The following RNLS variants were observed in gnomAD, a reference collection of about 807,000 sequenced individuals.
The protein encoded by RNLS is renalase, FAD dependent amine oxidase.
A neutral mutation model predicts 39.8 loss-of-function variants in RNLS; 39 were observed. The ratio of observed to expected loss-of-function variants is 0.98; its 90% confidence interval spans 0.76 to 1.28. The LOEUF (loss-of-function observed/expected upper bound fraction) is 1.28. Among genes scored for constraint, RNLS ranks in the 50% most tolerant of loss-of-function variants. The pLI is 0.00. For synonymous variants in RNLS, 147 were observed against 150.7 expected (o/e 0.98, Z 0.18); for missense variants, 410 against 413.3 (o/e 0.99, Z 0.07).
At chr10:88,175,373 G>C in the RNLS span, among the ~76,000 whole-genome samples, 1 of 151,906 alleles carries the variant, frequency 6.6e-6, no homozygotes, top group Admixed American at 6.6e-5. Flanking sequence ...TTTTGATGTA[G>C]GCATTTACTG....
intron 4 of RNLS, among the ~76,000 whole-genome samples, chr10:88,507,650 C>G (rs916472494): frequency 1.3e-5 from 2 of 152,060 alleles, no homozygotes; most frequent in Non-Finnish European, 2.9e-5. Flanking sequence ...CAAAGGATTA[C>G]CACTATCAGG....
chr10:88,323,485 A>G (rs1846333696), intron 5 of RNLS, among the ~76,000 whole-genome samples: 1 of 152,200 alleles, frequency 6.6e-6, no homozygotes, highest in Non-Finnish European at 1.5e-5. Flanking sequence ...CAAAGTCAAT[A>G]AAAACAAACA....
chr10:88,252,757 A>G, the RNLS span, among the ~76,000 whole-genome samples: 1 of 152,142 alleles, frequency 6.6e-6, no homozygotes, highest in Non-Finnish European at 1.5e-5. Context: ...CATTCTATAC[A>G]CAGCTCCTAT....
In RNLS at chr10:88,284,647, T is replaced by G. The variant is rs958317309; in HGVS notation, c.*707A>C. 20 of 985,190 alleles carry G rather than the reference T, an allele frequency of 2.0e-5. No homozygotes were observed. In the East Asian group the frequency reaches 2.3e-3, roughly 112 times the overall value. 61.0% of individuals were successfully genotyped at this position (985,190 alleles called of 1,614,324 possible). ...GCAAAAGGTAAGGATCGATATACTT[T>G]CTCTCTGTTTCTATTTAATTTTTAT... On this transcript the variant is annotated 3_prime_UTR_variant, in exon 7 of 7. Coordinates refer to ENST00000331772, the MANE Select transcript of RNLS (RefSeq NM_001031709.3).
chr10:88,338,202 A>C (rs1324975579), intron 5 of RNLS, among the ~76,000 whole-genome samples: 1 of 152,242 alleles, frequency 6.6e-6, no homozygotes, highest in African/African-American at 2.4e-5. Flanking sequence ...TCTTTAGAGA[A>C]GAGACTAAAA....
chr10:88,402,077 A>T (rs1410415818), intron 4 of RNLS, among the ~76,000 whole-genome samples: 1 of 151,988 alleles, frequency 6.6e-6, no homozygotes, highest in Non-Finnish European at 1.5e-5. Flanking sequence ...AGGAGCAGGG[A>T]AAGCACATTT....
At chr10:88,473,215 T>C (rs1420077954) in intron 4 of RNLS, among the ~76,000 whole-genome samples, 2 of 152,206 alleles carry the variant, frequency 1.3e-5, no homozygotes, top group Non-Finnish European at 2.9e-5. Flanking sequence ...CACTGACGTA[T>C]ATGTGATCTG....
chr10:88,319,588 A>ACCC (rs1158754542), intron 5 of RNLS, among the ~76,000 whole-genome samples: 1 of 152,200 alleles, frequency 6.6e-6, no homozygotes, highest in South Asian at 2.1e-4. Flanking sequence ...AAGAAAAAAA[A>ACCC]CCCAAACAAT....
At chr10:88,179,849 C>T in the RNLS span, among the ~76,000 whole-genome samples, 43 of 152,312 alleles carry the variant, frequency 2.8e-4, no homozygotes, top group East Asian at 3.5e-3. Flanking sequence ...CATTTGGAGA[C>T]GGACTCTAAG....
chr10:88,400,952 C>T (rs1053597825), intron 4 of RNLS, among the ~76,000 whole-genome samples: 1 of 151,650 alleles, frequency 6.6e-6, no homozygotes, highest in Non-Finnish European at 1.5e-5. Context: ...ATATTATTTC[C>T]TAGATATTAT....
At chr10:88,415,427 A>T (rs1383716442) in intron 4 of RNLS, among the ~76,000 whole-genome samples, 1 of 152,210 alleles carries the variant, frequency 6.6e-6, no homozygotes, top group Non-Finnish European at 1.5e-5. Context: ...CTTATCCAAA[A>T]CAAAATCTCA....
intron 6 of RNLS, among the ~76,000 whole-genome samples, chr10:88,306,480 G>A (rs375694966): frequency 1.3e-5 from 2 of 151,708 alleles, no homozygotes; most frequent in Non-Finnish European, 2.9e-5. Context: ...AACACAATAC[G>A]AAAAAACAAG....
At chr10:88,580,940 G>A (rs1590059251) in intron 3 of RNLS, among the ~76,000 whole-genome samples, 1 of 151,978 alleles carries the variant, frequency 6.6e-6, no homozygotes, top group Non-Finnish European at 1.5e-5. Context: ...TGCAAATATC[G>A]TTTGACATAG....
intron 4 of RNLS, among the ~76,000 whole-genome samples, chr10:88,483,755 T>C (rs1844338960): frequency 6.6e-6 from 1 of 152,106 alleles, no homozygotes; most frequent in South Asian, 2.1e-4. Context: ...AATAACCTCA[T>C]ACCACATATT....
At chr10:88,180,056 A>C in the RNLS span, among the ~76,000 whole-genome samples, 3 of 152,258 alleles carry the variant, frequency 2.0e-5, no homozygotes, top group African/African-American at 4.8e-5. Flanking sequence ...TACGGAAACC[A>C]CACTTAGAAT....
chr10:88,476,443 T>C (rs979665964), intron 4 of RNLS, among the ~76,000 whole-genome samples: 3 of 152,184 alleles, frequency 2.0e-5, no homozygotes, highest in African/African-American at 7.2e-5. Flanking sequence ...CAAGGAGCTA[T>C]TCTTTTATCC....
intron 4 of RNLS, among the ~76,000 whole-genome samples, chr10:88,510,714 C>A (rs750342535): frequency 6.6e-6 from 1 of 151,504 alleles, no homozygotes; most frequent in African/African-American, 2.4e-5. Flanking sequence ...CATGGTGGTG[C>A]GCGCCTGTAA....
chr10:88,210,151 C>T, the RNLS span, among the ~76,000 whole-genome samples: 1 of 152,208 alleles, frequency 6.6e-6, no homozygotes, highest in Non-Finnish European at 1.5e-5. Flanking sequence ...TACTTTATAG[C>T]CTCACCTTGT....
intron 4 of RNLS, among the ~76,000 whole-genome samples, chr10:88,427,281 C>T (rs1016903284): frequency 2.6e-5 from 4 of 151,988 alleles, no homozygotes; most frequent in Non-Finnish European, 5.9e-5. Flanking sequence ...TCCTACTGTG[C>T]TGGAGTGGAA....
Sources: allele counts gnomAD v4.1 joint callset (sites outside exome capture counted in the v4.1 genomes callset), GRCh38; gene constraint gnomAD v4.1.1; transcripts MANE v1.5; gene names NCBI Gene and HGNC (gene_info 2026-07-23, HGNC 2026-07-21).